SRGAP3: variants seen among roughly 807,000 people sequenced by gnomAD.
SRGAP3 encodes SLIT-ROBO Rho GTPase activating protein 3, also known as SLIT-ROBO Rho GTPase-activating protein 3.
SRGAP3 carries 39 observed loss-of-function variants against 121.1 expected under a neutral mutation model. That is an observed-to-expected ratio of 0.32 (90% CI 0.25 to 0.42). The LOEUF is 0.42. Among genes scored for constraint, SRGAP3 ranks in the 10% least tolerant of loss-of-function variants. The pLI is 1.00. For synonymous variants in SRGAP3, 601 were observed against 570.0 expected (o/e 1.05, Z -0.77); for missense variants, 1,213 against 1,470.6 (o/e 0.82, Z 2.86).
At chr3:9,128,670 C>A (rs546179733) in intron 1 of SRGAP3, among the ~76,000 whole-genome samples, 16 of 152,040 alleles carry the variant, frequency 1.1e-4, no homozygotes, top group Non-Finnish European at 2.2e-4. Flanking sequence ...ATCTTTATAG[C>A]CAAATATTAG....
At chr3:9,183,902 GC>G (rs1309086944) in intron 1 of SRGAP3, among the ~76,000 whole-genome samples, 1 of 151,692 alleles carries the variant, frequency 6.6e-6, no homozygotes, top group African/African-American at 2.4e-5. Context: ...TCAATCCTCT[GC>G]GGCTTGCCTC....
At chr3:9,198,143 A>G (rs1323859939) in intron 1 of SRGAP3, among the ~76,000 whole-genome samples, 1 of 152,198 alleles carries the variant, frequency 6.6e-6, no homozygotes, top group Non-Finnish European at 1.5e-5. Flanking sequence ...GTCACAGCCT[A>G]TTTGCTCCAA....
chr3:8,985,087 T>C lies in SRGAP3; in HGVS notation c.*432A>G, dbSNP rs1941604483. On this transcript the variant is annotated 3_prime_UTR_variant, in exon 22 of 22. Coordinates refer to ENST00000383836, the MANE Select transcript of SRGAP3 (RefSeq NM_014850.4). This position sits in a 1 kb window ranked among gnomAD's most constrained non-coding sequence, Gnocchi z 5.1. Reference sequence around the variant, plus strand: ...TCCAGATCTAGTATATGTATATAGATGCATAAATATATATATATATACACA... The same window carrying C: ...TCCAGATCTAGTATATGTATATAGACGCATAAATATATATATATATACACA... 4.1e-6 allele frequency: 1 copy of C among 242,204 alleles called. No individual in the cohort carries two copies. The highest frequency in any genetic ancestry group is 2.2e-5 in the African/African-American group (1 of 45,184). The allele number at this position is 242,204 out of a possible 1,614,324, so 15.0% of individuals were successfully genotyped here.
chr3:9,205,281 G>C (rs571907109), intron 1 of SRGAP3, among the ~76,000 whole-genome samples: 1 of 152,138 alleles, frequency 6.6e-6, no homozygotes, highest in South Asian at 2.1e-4. Flanking sequence ...TTACTTTAAC[G>C]TGTAATCAAT....
chr3:9,118,788 C>T (rs1423139757), intron 2 of SRGAP3, among the ~76,000 whole-genome samples: 2 of 152,038 alleles, frequency 1.3e-5, no homozygotes, highest in Non-Finnish European at 2.9e-5. Flanking sequence ...GCCGCTGCTC[C>T]CATTCCCCAA....
At chr3:9,067,499 A>T (rs371341770) in intron 4 of SRGAP3, among the ~76,000 whole-genome samples, 20 of 151,796 alleles carry the variant, frequency 1.3e-4, no homozygotes, top group African/African-American at 4.8e-4. Flanking sequence ...ACATCCAAAT[A>T]ACTCAATGGA....
chr3:9,155,319 T>C (rs1348143424), intron 1 of SRGAP3, among the ~76,000 whole-genome samples: 1 of 152,240 alleles, frequency 6.6e-6, no homozygotes, highest in African/African-American at 2.4e-5. Context: ...CTCTGGAGGC[T>C]TTGAGAGTCT....
chr3:9,013,194 T>C (rs1943456900), intron 17 of SRGAP3, 114 bp downstream of exon 17: 1 of 1,024,570 alleles, frequency 9.8e-7, no homozygotes. Context: ...TGAGAAAATG[T>C]ATATGGAAGC....
intron 21 of SRGAP3, 98 bp downstream of exon 21, chr3:8,990,414 C>A: frequency 6.9e-7 from 1 of 1,451,066 alleles, no homozygotes; most frequent in Non-Finnish European, 9.4e-7. Flanking sequence ...AGCCATGAGC[C>A]TGGCATAAAG....
In SRGAP3 at chr3:9,015,526, C is replaced by A. The variant is rs57913078; in HGVS notation, c.1813+71G>T. The A allele has an allele frequency of 5.0e-3, 8,054 of 1,595,640 alleles. 338 individuals carry two copies. The African/African-American group carries it at 0.089, about 18-fold the overall frequency. ...TGTCCCTCCTCTATGCCTAGCACAG[C>A]AGTAAGCCTGTAGCTCAACTCCAAC... is the stretch of plus-strand genomic sequence containing the variant. On this transcript the variant is annotated intron_variant, in intron 15 of 21. Coordinates refer to ENST00000383836, the MANE Select transcript of SRGAP3 (RefSeq NM_014850.4).
chr3:9,305,574 G>A (rs559728065), intron 3 of SRGAP3, among the ~76,000 whole-genome samples: 10 of 150,356 alleles, frequency 6.7e-5, no homozygotes, highest in East Asian at 3.9e-4. Flanking sequence ...CCCACCCCCC[G>A]ACAGGCCCCA....
intron 15 of SRGAP3, 129 bp from the exon 16 acceptor site, chr3:9,013,971 A>T (rs774091649): frequency 2.1e-5 from 17 of 822,244 alleles, no homozygotes; most frequent in African/African-American, 1.3e-4. Flanking sequence ...GATTCCAGGG[A>T]TCACAGGTGA....
chr3:9,105,151 T>C (rs1391772175), intron 2 of SRGAP3, among the ~76,000 whole-genome samples: 2 of 152,214 alleles, frequency 1.3e-5, no homozygotes, highest in Admixed American at 6.5e-5. Context: ...GGCTAAGAAA[T>C]ACTAAACCAA....
In SRGAP3 at chr3:9,249,074, C is replaced by T; in HGVS notation, c.-123G>A. The T allele has an allele frequency of 1.1e-6, 1 of 942,234 alleles. No homozygotes were observed. Among genetic ancestry groups the T allele is most frequent in the Non-Finnish European group, 1.7e-6 (1 of 586,546 alleles). 58.4% of individuals were successfully genotyped at this position (942,234 alleles called of 1,614,324 possible). On this transcript the variant is annotated 5_prime_UTR_variant, in exon 1 of 22. Coordinates refer to ENST00000383836, the MANE Select transcript of SRGAP3 (RefSeq NM_014850.4). ...CGATTTCACAGGTTTAGGGACTAATCTCTTTCACTTGGCTGCAGAGCAGGG... is the reference window on the plus strand; with the variant it reads ...CGATTTCACAGGTTTAGGGACTAATTTCTTTCACTTGGCTGCAGAGCAGGG...
intron 4 of SRGAP3, among the ~76,000 whole-genome samples, chr3:9,068,979 T>C (rs1485427441): frequency 1.3e-5 from 2 of 152,216 alleles, no homozygotes; most frequent in East Asian, 1.9e-4. Flanking sequence ...CCCTATGAGA[T>C]AGGCATCCTA....
chr3:9,108,104 C>CA (rs1196267688), intron 2 of SRGAP3, among the ~76,000 whole-genome samples: 1 of 152,060 alleles, frequency 6.6e-6, no homozygotes, highest in Non-Finnish European at 1.5e-5. Flanking sequence ...ATTAAAGGCC[C>CA]AATGTTGGGG....
chr3:9,169,122 C>T (rs566714393), intron 1 of SRGAP3, among the ~76,000 whole-genome samples: 1 of 152,334 alleles, frequency 6.6e-6, no homozygotes. Context: ...TTCTGAGCCT[C>T]TCTGTGGATC....
At chr3:9,107,157 T>C (rs1030415346) in intron 2 of SRGAP3, among the ~76,000 whole-genome samples, 1 of 152,248 alleles carries the variant, frequency 6.6e-6, no homozygotes, top group Non-Finnish European at 1.5e-5. Flanking sequence ...CCTTGGCTTA[T>C]AGCCTAGAGT....
intron 18 of SRGAP3, among the ~76,000 whole-genome samples, chr3:8,996,800 T>C (rs1434528790): frequency 1.3e-5 from 2 of 152,206 alleles, no homozygotes; most frequent in Non-Finnish European, 2.9e-5. Context: ...CCCAGACAGC[T>C]GCGTGCTCCT....
Sources: gnomAD v4.1 joint callset for allele counts (sites outside exome capture counted in the v4.1 genomes callset) on GRCh38, gnomAD v4.1.1 for gene constraint, Gnocchi (gnomAD v3.1) non-coding constraint, MANE v1.5 for transcripts, NCBI Gene and HGNC (gene_info 2026-07-23, HGNC 2026-07-21) for gene names.